DLC1: variants seen among roughly 807,000 people sequenced by gnomAD.
The protein encoded by DLC1 is rho GTPase-activating protein 7.
A neutral mutation model predicts 140.3 loss-of-function variants in DLC1; 54 were observed. The ratio of observed to expected loss-of-function variants is 0.38; its 90% CI spans 0.31 to 0.48. The LOEUF is 0.48. Ranked by LOEUF, DLC1 falls within the 20% of genes least tolerant of loss-of-function variation. The pLI, the probability that DLC1 is intolerant of heterozygous loss-of-function variation, is 0.96. For synonymous variants in DLC1, 986 were observed against 728.1 expected, an observed-to-expected ratio of 1.35 and a Z score of -5.70; for missense variants, 2,536 against 1,907.0, an observed-to-expected ratio of 1.33 and a Z score of -6.14.
At chr8:13,534,911 A>G (rs1408597288) in intron 1 of DLC1, among the ~76,000 whole-genome samples, 1 of 152,132 alleles carries the variant, frequency 6.6e-6, no homozygotes, top group African/African-American at 2.4e-5. Context: ...GCCCTTTGCA[A>G]CACTGGCCCA....
chr8:13,390,395 C>T (rs1273902742), intron 4 of DLC1, among the ~76,000 whole-genome samples: 1 of 152,152 alleles, frequency 6.6e-6, no homozygotes, highest in African/African-American at 2.4e-5. Flanking sequence ...GGTTCCATGT[C>T]TTTGCTACTG....
chr8:13,346,734 C>A (rs1834359912), intron 4 of DLC1, among the ~76,000 whole-genome samples: 1 of 152,168 alleles, frequency 6.6e-6, no homozygotes, highest in African/African-American at 2.4e-5. Context: ...TTGTCAGTCT[C>A]CTTTTTATTT....
intron 1 of DLC1, among the ~76,000 whole-genome samples, chr8:13,568,521 G>T (rs1804535934): frequency 6.6e-6 from 1 of 152,148 alleles, no homozygotes; most frequent in Non-Finnish European, 1.5e-5. Context: ...AGGACTGGGG[G>T]AAGGGTGGGG....
intron 1 of DLC1, among the ~76,000 whole-genome samples, chr8:13,540,439 C>T (rs1003829418): frequency 2.6e-5 from 4 of 152,046 alleles, no homozygotes; most frequent in Admixed American, 6.6e-5. Context: ...TAATGAACCT[C>T]TTTAGATATT....
At chr8:13,472,267 G>T (rs11783108) in intron 2 of DLC1, among the ~76,000 whole-genome samples, 1 of 151,946 alleles carries the variant, frequency 6.6e-6, no homozygotes, top group East Asian at 1.9e-4. Context: ...GCTGTTCTCA[G>T]TACAGATTTA....
At chr8:13,342,356 A>G (rs541973611) in intron 4 of DLC1, 1 of 152,348 alleles carries the variant, frequency 6.6e-6, no homozygotes, top group Non-Finnish European at 1.5e-5. Context: ...CCATTTGGAC[A>G]AGCAAGAGAT....
chr8:13,597,048 G>T (rs975250837), intron 1 of DLC1, among the ~76,000 whole-genome samples: 2 of 151,780 alleles, frequency 1.3e-5, no homozygotes, highest in African/African-American at 4.8e-5. Flanking sequence ...TTAACATAAT[G>T]CAGCAAGGAC....
chr8:13,375,126 C>T (rs1835913096), intron 4 of DLC1, among the ~76,000 whole-genome samples: 1 of 150,444 alleles, frequency 6.6e-6, no homozygotes, highest in African/African-American at 2.5e-5. Flanking sequence ...CTCCCGGCTT[C>T]ACGCCATTCT....
intron 2 of DLC1, among the ~76,000 whole-genome samples, chr8:13,465,589 A>G (rs1300919438): frequency 6.6e-6 from 1 of 151,498 alleles, no homozygotes; most frequent in Non-Finnish European, 1.5e-5. Context: ...GGTTATTTGT[A>G]TTTTTTTATT....
At chr8:13,206,423 A>G (rs530881210) in intron 5 of DLC1, among the ~76,000 whole-genome samples, 41 of 152,322 alleles carry the variant, frequency 2.7e-4, no homozygotes, top group Admixed American at 1.6e-3. Flanking sequence ...CTCGGCTTAT[A>G]GTATTTGCTA....
intron 5 of DLC1, among the ~76,000 whole-genome samples, chr8:13,218,440 G>C (rs1306403800): frequency 6.6e-6 from 1 of 151,996 alleles, no homozygotes; most frequent in Non-Finnish European, 1.5e-5. Context: ...TTGATAAAGA[G>C]ACAACCCAAA....
At chr8:13,343,354 C>A (rs1408993757) in intron 4 of DLC1, among the ~76,000 whole-genome samples, 1 of 152,146 alleles carries the variant, frequency 6.6e-6, no homozygotes, top group African/African-American at 2.4e-5. Flanking sequence ...TGTCATTCTG[C>A]ATAACTCCTG....
intron 5 of DLC1, among the ~76,000 whole-genome samples, chr8:13,284,940 TG>T (rs1309911631): frequency 6.6e-6 from 1 of 152,202 alleles, no homozygotes; most frequent in East Asian, 1.9e-4. Context: ...ATTGCTAGGT[TG>T]TTAATTCTTC....
At chr8:13,597,351 C>G (rs1004924425) in intron 1 of DLC1, among the ~76,000 whole-genome samples, 2 of 151,984 alleles carry the variant, frequency 1.3e-5, no homozygotes, top group Non-Finnish European at 2.9e-5. Context: ...TATTGCTTCT[C>G]CCATTTCTTA....
chr8:13,401,409 A>G (rs1234394155), intron 3 of DLC1, 61 bp downstream of exon 3: 1 of 1,574,434 alleles, frequency 6.4e-7, no homozygotes, highest in East Asian at 2.3e-5. Context: ...TGCAAGAGGG[A>G]CTGTATAAGG....
In DLC1 at chr8:13,535,994, G is replaced by C. The variant is rs1050309873; in HGVS notation, c.-125-35798C>G. ...CTATGTCTGTATTGGATGTTGTACA[G>C]AGGTTCATCTTAACACCAAGGAGAA... On this transcript the variant is annotated intron_variant, in intron 1 of 1. Coordinates refer to the DLC1 transcript ENST00000631382. 3.3e-5 allele frequency: 5 copies of C among 152,232 alleles called. No homozygotes were observed. The South Asian group carries it at 1.0e-3, about 32-fold the overall frequency. 9.4% of individuals were successfully genotyped at this position (152,232 alleles called of 1,614,324 possible).
chr8:13,258,635 G>T (rs1473484369), intron 5 of DLC1, among the ~76,000 whole-genome samples: 1 of 152,182 alleles, frequency 6.6e-6, no homozygotes, highest in Non-Finnish European at 1.5e-5. Context: ...TGCGGAAGAT[G>T]AAATCTGCTG....
chr8:13,477,668 G>C (rs894965479), intron 2 of DLC1, among the ~76,000 whole-genome samples: 1 of 152,198 alleles, frequency 6.6e-6, no homozygotes. Context: ...GATCCAGAGA[G>C]ATGGCAAACA....
At chr8:13,547,506 G>A (rs1415429396) in intron 1 of DLC1, among the ~76,000 whole-genome samples, 2 of 152,010 alleles carry the variant, frequency 1.3e-5, no homozygotes, top group African/African-American at 2.4e-5. Context: ...TCAGGCACCA[G>A]GATAATGATT....
Sources: allele counts gnomAD v4.1 joint callset (sites outside exome capture counted in the v4.1 genomes callset), GRCh38; gene constraint gnomAD v4.1.1; transcripts MANE v1.5; gene names NCBI Gene and HGNC (gene_info 2026-07-23, HGNC 2026-07-21).